ATG9B: variants seen among roughly 807,000 people sequenced by gnomAD.
ATG9B encodes the protein autophagy related 9B, also known as autophagy-related protein 9B.
In ATG9B, 92 loss-of-function variants were observed where a neutral mutation model predicts 92.9. The observed-to-expected ratio is 0.99, with a 90% CI of 0.84 to 1.18. ATG9B has a LOEUF of 1.18. ATG9B is among the 50% of genes most tolerant of loss of function. ATG9B has a pLI of 0.00. For synonymous variants in ATG9B, 599 were observed against 551.4 expected, an observed-to-expected ratio of 1.09 and a Z score of -1.21; for missense variants, 1,344 against 1,235.0, an observed-to-expected ratio of 1.09 and a Z score of -1.32.
At chr7:151,021,863 A>C (rs1260892776) in intron 4 of ATG9B, among the ~76,000 whole-genome samples, 2 of 130,070 alleles carry the variant, frequency 1.5e-5, no homozygotes, top group African/African-American at 3.7e-5. Context: ...GTTGGCCAGA[A>C]TGGTTTTGAT....
At position 151,022,295 on chromosome 7, in the gene ATG9B, G is replaced by A. The variant is rs1429098793; in HGVS notation, c.821+750C>T. Among the ~76,000 whole-genome samples, 6 of 147,702 alleles carry A rather than the reference G, an allele frequency of 4.1e-5. 1 individual carries two copies. Among genetic ancestry groups the A allele is most frequent in the Non-Finnish European group, 9.0e-5 (6 of 66,702 alleles). ...TAGGACTGCAGGTACGCACCACCAAGCCCAGCTAATTTTTATTTTTTATAG... is the reference window on the plus strand; with the variant it reads ...TAGGACTGCAGGTACGCACCACCAAACCCAGCTAATTTTTATTTTTTATAG... On this transcript the variant is annotated intron_variant, in intron 4 of 13. Transcript: ENST00000639579.
Position 151,023,643 on chromosome 7 carries a change from A to G in ATG9B, c.594+44T>C, listed in dbSNP as rs757799584. 1.6e-5 allele frequency: 25 copies of G among 1,612,476 alleles called. No homozygotes were observed. In the East Asian group the frequency reaches 5.3e-4, roughly 34 times the overall value. On this transcript the variant is annotated intron_variant, in intron 2 of 13. Transcript: ENST00000639579. ...TGCCAAGAACAGTGCCAGCTCCAAGAGGACCTTCCCATGCCACCTCTGCAG... is the reference window on the plus strand; with the variant it reads ...TGCCAAGAACAGTGCCAGCTCCAAGGGGACCTTCCCATGCCACCTCTGCAG...
rs768499383 is a variant in ATG9B, at chr7:151,019,400, G to A, written c.964-26C>T. 2.0e-6 allele frequency: 3 copies of A among 1,499,252 alleles called. No homozygotes were observed. The East Asian group carries it at 7.0e-5, about 35-fold the overall frequency. 92.9% of individuals were successfully genotyped at this position (1,499,252 alleles called of 1,614,324 possible). ...CTGAAAGGGGCACTGATGAGAGCCA[G>A]CGACCCCCCATTCCTCTCCACAGTG... On this transcript the variant is annotated intron_variant, in intron 5 of 13. Transcript: ENST00000639579.
intron 5 of ATG9B, chr7:151,019,695 A>C: frequency 3.6e-5 from 10 of 280,212 alleles, no homozygotes; most frequent in Non-Finnish European, 4.7e-5. Context: ...TCAGCTCCTT[A>C]AGGGCCTGAG....
Position 151,017,098 on chromosome 7 carries a change from C to T in ATG9B, c.2227G>A (p.Gly743Ser). Residue 743 changes from glycine (G) to serine (S), a missense_variant, in exon 9 of 14, where the codon GGT becomes AGT. Transcript: ENST00000639579. The part of the protein sequence containing the change: ...GRVQQDAAAW[G>S]ATSARGPSTP... ...GAGGGGCCGCGAGCCGAGGTGGCAC[C>T]CCAGGCAGCTGCATCTTGTTGTACT... 2 of 1,611,480 alleles carry T rather than the reference C, an allele frequency of 1.2e-6. No homozygotes were observed. The highest frequency in any genetic ancestry group is 1.7e-6 in the Non-Finnish European group (2 of 1,179,320).
In ATG9B at chr7:151,024,480, A is replaced by G. The variant is rs1795885895; in HGVS notation, c.-57T>C. 4 of 1,234,982 alleles carry G rather than the reference A, an allele frequency of 3.2e-6. No individual in the cohort carries two copies. Among genetic ancestry groups the G allele is most frequent in the South Asian group, 3.3e-5 (1 of 30,376 alleles). The allele number at this position is 1,234,982 out of a possible 1,614,324, so 76.5% of individuals were successfully genotyped here. On this transcript the variant is annotated 5_prime_UTR_variant, in exon 1 of 14. Coordinates refer to ENST00000639579, the MANE Select transcript of ATG9B (RefSeq NM_001317056.2). ...GATGGGAGCTGTTGTTGCTTCCACA[A>G]AGGTCTGTGACACTGAGCTGGGACT...
Position 151,023,685 on chromosome 7 carries a change from A to G in ATG9B, c.594+2T>C. On this transcript the variant is annotated splice_donor_variant, in intron 2 of 13. Transcript: ENST00000639579. LOFTEE classifies it high-confidence loss of function. ...CCTCTGCAGGCCTAGCGCAAAGGAT[A>G]TCTTGGTGAAGAAACTGTCCAGGTT... The G allele has an allele frequency of 2.5e-6, 4 of 1,614,042 alleles. No homozygotes were observed. The highest frequency in any genetic ancestry group is 3.4e-6 in the Non-Finnish European group (4 of 1,180,028).
rs1795645524 is a variant in ATG9B at position 151,019,056 on chromosome 7, G to A, written c.1282C>T (p.Arg428Trp). The change falls in exon 6 of 14, where the codon CGG (arginine) becomes TGG (tryptophan). Residue 428 changes from arginine (R) to tryptophan (W), a missense_variant. Arg to Trp is a moderately radical substitution (Grantham distance 101, BLOSUM62 -3). Transcript: ENST00000639579. ...CCCCAGCGCGCTGCTAGGGCGCCCC[G>A]CTGGTCGCTGCGCTTGTAGGCGTGC... Reference protein sequence around the residue: ...LPHAYKRSDQRGALAARWGRT... With the variant: ...LPHAYKRSDQWGALAARWGRT... The A allele has an allele frequency of 1.3e-6, 2 of 1,536,558 alleles. No homozygotes were observed. The highest frequency in any genetic ancestry group is 8.7e-7 in the Non-Finnish European group (1 of 1,146,506).
rs1239776376 is a variant in ATG9B at position 151,024,352 on chromosome 7, C to A, written c.72G>T (p.Ser24=). The change falls in exon 1 of 14, where the codon TCG becomes TCT. Residue 24 remains serine, a synonymous_variant. Coordinates refer to ENST00000639579, the MANE Select transcript of ATG9B (RefSeq NM_001317056.2). ...LGRWGDLGPG[S]VPLLPMPLPP... is the part of the protein sequence containing the mutation. ...GCAGTGGCATGGGGAGGAGGGGCAC[C>A]GATCCGGGCCCCAGATCTCCCCACC... The A allele has an allele frequency of 7.2e-7, 1 of 1,392,506 alleles. No individual in the cohort carries two copies. Among genetic ancestry groups the A allele is most frequent in the Non-Finnish European group, 9.4e-7 (1 of 1,068,428 alleles). 86.3% of individuals were successfully genotyped at this position (1,392,506 alleles called of 1,614,324 possible).
In ATG9B at chr7:151,018,556, C is replaced by G. The variant is rs1375308285; in HGVS notation, c.1718+64G>C. The G allele has an allele frequency of 5.2e-6, 8 of 1,541,102 alleles. No homozygotes were observed. In the Admixed American group the frequency reaches 1.5e-4, roughly 30 times the overall value. On this transcript the variant is annotated intron_variant, in intron 6 of 13. Transcript: ENST00000639579. The surrounding 1 kb of genome is among the most constrained non-coding windows in gnomAD (Gnocchi z 4.7). ...GGGAGAGGTAAGGATTCGGGGGGAA[C>G]CTCACATGGCCCCAGATCAGAGAAA...
intron 5 of ATG9B, 48 bp downstream of exon 5, chr7:151,021,140 C>T (rs1451849118): frequency 2.5e-6 from 4 of 1,602,878 alleles, no homozygotes; most frequent in East Asian, 2.2e-5. Context: ...CTCTCCTCTG[C>T]CCACCCTCTC....
At chr7:151,019,404 C>T (rs777797513) in intron 5 of ATG9B, 30 bp from the exon 6 acceptor site, 4 of 1,495,490 alleles carry the variant, frequency 2.7e-6, no homozygotes, top group Non-Finnish European at 3.5e-6. Context: ...GAGCCAGCGA[C>T]CCCCCATTCC....
downstream of ATG9B, chr7:151,014,721 G>C (rs1306941634): frequency 6.6e-6 from 1 of 150,982 alleles, no homozygotes; most frequent in Non-Finnish European, 1.5e-5. Flanking sequence ...TGATTCTCCT[G>C]CCTCAGCCTC....
At position 151,023,114 on chromosome 7, in the gene ATG9B, C is replaced by T. The variant is rs768574601; in HGVS notation, c.752G>A (p.Arg251Lys). The T allele has an allele frequency of 1.2e-6, 2 of 1,614,164 alleles. No homozygotes were observed. The highest frequency in any genetic ancestry group is 2.2e-5 in the South Asian group (2 of 91,082). ...LFANQPSNHT[R>K]PGPFHSKVTL... Reference sequence around the variant, plus strand: ...CACTTTGCTGTGGAACGGCCCAGGTCTGGTATGGTTACTTGGTTGGTTGGC... The same window carrying T: ...CACTTTGCTGTGGAACGGCCCAGGTTTGGTATGGTTACTTGGTTGGTTGGC... Residue 251 changes from arginine (R) to lysine (K), a missense_variant, in exon 4 of 14, where the codon AGA (arginine) becomes AAA (lysine). Physicochemically the swap from Arg to Lys is conservative, Grantham distance 26. Coordinates refer to ENST00000639579, the MANE Select transcript of ATG9B (RefSeq NM_001317056.2).
intron 4 of ATG9B, 84 bp downstream of exon 4, chr7:151,022,961 T>C (rs1012839180): frequency 6.4e-7 from 1 of 1,556,406 alleles, no homozygotes; most frequent in African/African-American, 1.4e-5. Flanking sequence ...CTGATCTAGA[T>C]GACGGGACAA....
intron 8 of ATG9B, 100 bp from the exon 9 acceptor site, chr7:151,017,372 A>T: frequency 8.5e-7 from 1 of 1,177,866 alleles, no homozygotes; most frequent in Non-Finnish European, 1.2e-6. Flanking sequence ...AAGGAAACAG[A>T]CCACAATGGG....
downstream of ATG9B, chr7:151,012,552 T>G: frequency 6.7e-7 from 1 of 1,501,740 alleles, no homozygotes; most frequent in Non-Finnish European, 9.1e-7. Context: ...AGGCAGGAAA[T>G]AGGAAAGAGA....
At chr7:151,014,229 G>T (rs1273328433), downstream of ATG9B, 4 of 1,506,104 alleles carry the variant, frequency 2.7e-6, no homozygotes, top group African/African-American at 5.5e-5. Context: ...AGGTCCGCCC[G>T]ACCAGGATCA....
At chr7:151,014,766 G>C (rs1035327244), downstream of ATG9B, 4 of 151,942 alleles carry the variant, frequency 2.6e-5, no homozygotes, top group African/African-American at 9.7e-5. Context: ...CTGCCACCGC[G>C]CCCGGCTAGG....
Sources: allele counts gnomAD v4.1 joint callset (sites outside exome capture counted in the v4.1 genomes callset), GRCh38; gene constraint gnomAD v4.1.1; non-coding constraint Gnocchi (gnomAD v3.1); transcripts MANE v1.5; gene names NCBI Gene and HGNC (gene_info 2026-07-23, HGNC 2026-07-21).